SATL1: variants seen among roughly 807,000 people sequenced by gnomAD.
SATL1 encodes the protein spermidine/spermine N1-acetyl transferase like 1.
Under a neutral mutation model 51.8 loss-of-function variants are expected in SATL1, and 47 were observed. The observed-to-expected ratio is 0.91, with a 90% CI of 0.72 to 1.16. The LOEUF (loss-of-function observed/expected upper bound fraction) is 1.16, where lower values mean the gene tolerates loss of function less well. Ranked by LOEUF, SATL1 falls within the 50% of genes most tolerant of loss-of-function variation. SATL1 has a pLI of 0.00. For missense variants in SATL1, 520 were observed against 526.4 expected, an observed-to-expected ratio of 0.99 and a Z score of 0.12; for synonymous variants, 176 against 182.4, an observed-to-expected ratio of 0.97 and a Z score of 0.28.
At chrX:85,150,665 G>GA (rs1488895600) in intron 2 of SATL1, among the ~76,000 whole-genome samples, 1 of 111,578 alleles carries the variant, frequency 9.0e-6, no homozygotes, top group Non-Finnish European at 1.9e-5. Flanking sequence ...TTCAACATAT[G>GA]AAAATCAATA....
intron 2 of SATL1, among the ~76,000 whole-genome samples, chrX:85,221,318 A>T (rs1369426505): frequency 8.9e-6 from 1 of 111,899 alleles, no homozygotes; most frequent in African/African-American, 3.3e-5. Context: ...AATACTTTAC[A>T]TGCAATCTTA....
intron 2 of SATL1, among the ~76,000 whole-genome samples, chrX:85,109,785 G>A (rs1925217296): frequency 9.0e-6 from 1 of 111,356 alleles, no homozygotes; most frequent in Non-Finnish European, 1.9e-5. Context: ...GTGGCGGGTG[G>A]ATGGCCTGGG....
intron 2 of SATL1, among the ~76,000 whole-genome samples, chrX:85,145,766 A>G (rs1323374967): frequency 9.0e-6 from 1 of 111,584 alleles, no homozygotes; most frequent in Non-Finnish European, 1.9e-5. Flanking sequence ...ATGCCATAAT[A>G]TAGTAGTCCC....
chrX:85,122,731 T>A (rs913969032), intron 2 of SATL1, among the ~76,000 whole-genome samples: 3 of 111,809 alleles, frequency 2.7e-5, no homozygotes, highest in Non-Finnish European at 5.7e-5. Context: ...TGTTCAGGAG[T>A]TGGGTGTACA....
intron 3 of SATL1, among the ~76,000 whole-genome samples, chrX:85,106,398 C>T (rs192936220): frequency 2.6e-4 from 29 of 111,671 alleles, no homozygotes; most frequent in African/African-American, 9.1e-4. Context: ...TTTATTTTGG[C>T]CATTAAAACA....
At chrX:85,132,680 G>A (rs1029104079) in intron 2 of SATL1, among the ~76,000 whole-genome samples, 1 of 111,789 alleles carries the variant, frequency 8.9e-6, no homozygotes, top group Non-Finnish European at 1.9e-5. Flanking sequence ...TCTCCATCCA[G>A]CTTTGTTCTG....
At chrX:85,187,254 C>T (rs1044564910) in intron 2 of SATL1, among the ~76,000 whole-genome samples, 1 of 111,416 alleles carries the variant, frequency 9.0e-6, no homozygotes, top group Non-Finnish European at 1.9e-5. Context: ...AGGTTTCTCT[C>T]TATATAAAAG....
At chrX:85,163,267 T>TGGG (rs758436068) in intron 2 of SATL1, among the ~76,000 whole-genome samples, 1 of 111,060 alleles carries the variant, frequency 9.0e-6, no homozygotes, top group South Asian at 3.8e-4. Context: ...TGTTCAGTCT[T>TGGG]TCTGTTTCTT....
chrX:85,145,643 G>A (rs1230318023), intron 2 of SATL1, among the ~76,000 whole-genome samples: 4 of 111,101 alleles, frequency 3.6e-5, no homozygotes, highest in Non-Finnish European at 7.5e-5. Context: ...TTTGAAGCTG[G>A]TAGACAGCTT....
chrX:85,104,187 C>G (rs1446744062), intron 3 of SATL1, among the ~76,000 whole-genome samples: 1 of 111,353 alleles, frequency 9.0e-6, no homozygotes, highest in Non-Finnish European at 1.9e-5. Flanking sequence ...TTGAATGCAG[C>G]CAGAAACTGA....
chrX:85,168,771 A>G (rs992316627), intron 2 of SATL1, among the ~76,000 whole-genome samples: 5 of 112,125 alleles, frequency 4.5e-5, no homozygotes, highest in Non-Finnish European at 1.9e-5. Context: ...AGAAAAAAAT[A>G]TTTTAAAATT....
rs771284655 is a variant in SATL1, at chrX:85,120,736, G to A, written c.-312-11456C>T. On this transcript the variant is annotated intron_variant, in intron 2 of 7. Transcript: ENST00000644105. ...CATTAGATGCTAGTGATTTAGCAAC[G>A]TATACTTGAAGACATTTCTTTTCAT... Among the ~76,000 whole-genome samples the A allele has an allele frequency of 5.4e-5, 6 of 111,864 alleles. 1 individual carries two copies. The South Asian group carries it at 1.5e-3, about 27-fold the overall frequency.
intron 2 of SATL1, among the ~76,000 whole-genome samples, chrX:85,162,752 A>T (rs192366209): frequency 5.8e-4 from 65 of 111,242 alleles, no homozygotes; most frequent in Admixed American, 1.3e-3. Context: ...TATCATGAAG[A>T]GATCCAGGAC....
Position 85,216,017 on chromosome X carries a change from T to A in SATL1, c.-313+8188A>T, listed in dbSNP as rs867376524. On this transcript the variant is annotated intron_variant, in intron 2 of 7. Coordinates refer to ENST00000644105, the MANE Select transcript of SATL1 (RefSeq NM_001367857.2). ...CTAGGTAATATTAAGAAAAGAGGTT[T>A]ACTTGGCTCATGATTCTGCAGGCTA... 2.7e-5 allele frequency among the ~76,000 whole-genome samples: 3 copies of A among 112,120 alleles called. No homozygotes were observed. In the South Asian group the frequency reaches 1.1e-3, roughly 42 times the overall value.
At chrX:85,118,167 C>A (rs1925427922) in intron 2 of SATL1, among the ~76,000 whole-genome samples, 1 of 97,513 alleles carries the variant, frequency 1.0e-5, no homozygotes, top group African/African-American at 3.7e-5. Context: ...GAGCTCTTGG[C>A]ATGAGGAGCA....
intron 2 of SATL1, among the ~76,000 whole-genome samples, chrX:85,189,896 C>A (rs1927400040): frequency 8.9e-6 from 1 of 111,769 alleles, no homozygotes; most frequent in Admixed American, 9.6e-5. Flanking sequence ...ATTCCAATAC[C>A]AATCTGTTAC....
chrX:85,108,078 G>A lies in SATL1; in HGVS notation c.891C>T (p.Ser297=), dbSNP rs1602836172. The change falls in exon 3 of 8, where the codon AGC becomes AGT. Residue 297 remains serine, a synonymous_variant. Coordinates refer to ENST00000644105, the MANE Select transcript of SATL1 (RefSeq NM_001367857.2). ...TACCTGATTGCCTCATGCCAGCTTG[G>A]CTCATGCTTGGTTGTTTCATGTCCA... ...NQVDMKQPSM[S]QAGMRQSGTN... The A allele has an allele frequency of 8.3e-7, 1 of 1,211,316 alleles. No homozygotes were observed. Among genetic ancestry groups the A allele is most frequent in the East Asian group, 3.0e-5 (1 of 33,813 alleles).
intron 2 of SATL1, among the ~76,000 whole-genome samples, chrX:85,131,173 C>A (rs965183628): frequency 2.0e-4 from 22 of 111,536 alleles, no homozygotes; most frequent in Non-Finnish European, 3.8e-5. Context: ...CTGCTTGGTG[C>A]AGAGCTGAGT....
At chrX:85,094,855 T>C in intron 5 of SATL1, 61 bp downstream of exon 5, 1 of 733,094 alleles carries the variant, frequency 1.4e-6, no homozygotes. Flanking sequence ...AAAACTGTAC[T>C]ATTTTTCAGC....
Sources: allele counts gnomAD v4.1 joint callset (sites outside exome capture counted in the v4.1 genomes callset), GRCh38; gene constraint gnomAD v4.1.1; transcripts MANE v1.5; gene names NCBI Gene and HGNC (gene_info 2026-07-23, HGNC 2026-07-21).